RALYL: variants seen among roughly 807,000 people sequenced by gnomAD.
The protein encoded by RALYL is RALY RNA binding protein like.
Under a neutral mutation model 35.1 loss-of-function variants are expected in RALYL, and 29 were observed. The ratio of observed to expected loss-of-function variants is 0.83; its 90% confidence interval spans 0.61 to 1.13. The LOEUF (loss-of-function observed/expected upper bound fraction) is 1.13, where lower values mean the gene tolerates loss of function less well. Ranked by LOEUF, RALYL falls within the 50% of genes most tolerant of loss-of-function variation. The pLI, the probability that RALYL is intolerant of heterozygous loss-of-function variation, is 0.00. For missense variants in RALYL, 359 were observed against 360.4 expected, an observed-to-expected ratio of 1.00 and a Z score of 0.03; for synonymous variants, 120 against 127.6, an observed-to-expected ratio of 0.94 and a Z score of 0.40.
intron 1 of RALYL, among the ~76,000 whole-genome samples, chr8:84,227,436 A>C (rs1379182962): frequency 1.3e-5 from 2 of 152,096 alleles, no homozygotes; most frequent in Non-Finnish European, 2.9e-5. Context: ...TGATTGTAAG[A>C]TCTTTGTGTA....
intron 1 of RALYL, among the ~76,000 whole-genome samples, chr8:84,521,734 G>A (rs1252950390): frequency 6.6e-6 from 1 of 152,078 alleles, no homozygotes; most frequent in African/African-American, 2.4e-5. Context: ...TTTAAATATT[G>A]ACTTACCAAT....
chr8:84,262,993 C>T (rs2131834160), intron 1 of RALYL, among the ~76,000 whole-genome samples: 1 of 152,202 alleles, frequency 6.6e-6, no homozygotes, highest in African/African-American at 2.4e-5. Context: ...CATTATTGAA[C>T]TAAGTCTAGT....
chr8:84,548,574 T>C (rs543265148), intron 2 of RALYL, among the ~76,000 whole-genome samples: 7 of 152,340 alleles, frequency 4.6e-5, no homozygotes, highest in African/African-American at 1.7e-4. Flanking sequence ...GAGACTTGAA[T>C]GTGATCTATT....
At chr8:84,833,271 G>T (rs1831282291) in intron 4 of RALYL, among the ~76,000 whole-genome samples, 1 of 152,058 alleles carries the variant, frequency 6.6e-6, no homozygotes, top group African/African-American at 2.4e-5. Context: ...TCCAATGATG[G>T]CTCAAAGTGA....
At chr8:84,247,595 C>T (rs562305730) in intron 1 of RALYL, among the ~76,000 whole-genome samples, 14 of 150,478 alleles carry the variant, frequency 9.3e-5, no homozygotes, top group South Asian at 2.1e-4. Flanking sequence ...TAGAATAGGA[C>T]GCAGGCTTTA....
chr8:84,680,897 T>C (rs1835328155), intron 2 of RALYL, among the ~76,000 whole-genome samples: 1 of 152,046 alleles, frequency 6.6e-6, no homozygotes, highest in Admixed American at 6.6e-5. Flanking sequence ...GCCATTGCTT[T>C]TGGTGTTTTA....
At chr8:84,327,523 C>T (rs557262512) in intron 1 of RALYL, among the ~76,000 whole-genome samples, 1 of 152,224 alleles carries the variant, frequency 6.6e-6, no homozygotes, top group Non-Finnish European at 1.5e-5. Context: ...GGCCTGCTAC[C>T]TCTTTTTGGA....
At chr8:84,596,021 T>C (rs1458339416) in intron 2 of RALYL, among the ~76,000 whole-genome samples, 1 of 152,078 alleles carries the variant, frequency 6.6e-6, no homozygotes, top group Non-Finnish European at 1.5e-5. Flanking sequence ...AGGCATGATA[T>C]GAGATTTGCT....
At chr8:84,339,026 G>A (rs542501745) in intron 1 of RALYL, among the ~76,000 whole-genome samples, 51 of 152,118 alleles carry the variant, frequency 3.4e-4, no homozygotes, top group South Asian at 1.2e-3. Flanking sequence ...ATACGAACAA[G>A]TCACCAAAAG....
intron 1 of RALYL, among the ~76,000 whole-genome samples, chr8:84,213,964 T>C (rs1290450488): frequency 6.6e-6 from 1 of 152,204 alleles, no homozygotes; most frequent in African/African-American, 2.4e-5. Flanking sequence ...GAAGAAAATG[T>C]GAACAGAGTT....
At chr8:84,595,471 G>T (rs1353079426) in intron 2 of RALYL, among the ~76,000 whole-genome samples, 5 of 152,100 alleles carry the variant, frequency 3.3e-5, no homozygotes, top group Admixed American at 3.3e-4. Flanking sequence ...TACAGTGTAG[G>T]TTTGGAGTCC....
At chr8:84,212,151 A>G (rs1046932952) in intron 1 of RALYL, among the ~76,000 whole-genome samples, 9 of 152,214 alleles carry the variant, frequency 5.9e-5, no homozygotes, top group Admixed American at 1.3e-4. Flanking sequence ...TTTAATTTAC[A>G]TAAAGTTTCA....
intron 2 of RALYL, among the ~76,000 whole-genome samples, chr8:84,649,088 A>T (rs960063632): frequency 2.6e-5 from 4 of 152,064 alleles, no homozygotes; most frequent in African/African-American, 9.6e-5. Flanking sequence ...AAAGCTTATT[A>T]ATCATATTCA....
At chr8:84,546,624 T>G (rs552241204) in intron 2 of RALYL, among the ~76,000 whole-genome samples, 30 of 152,326 alleles carry the variant, frequency 2.0e-4, no homozygotes, top group African/African-American at 6.5e-4. Flanking sequence ...TTAGATAAAT[T>G]TTACAATTTT....
At chr8:84,838,719 G>A (rs1002194933) in intron 4 of RALYL, among the ~76,000 whole-genome samples, 2 of 152,172 alleles carry the variant, frequency 1.3e-5, no homozygotes, top group African/African-American at 4.8e-5. Flanking sequence ...GGTTGGACAA[G>A]ATAATTTAAG....
intron 3 of RALYL, among the ~76,000 whole-genome samples, chr8:84,792,669 G>A (rs959836656): frequency 2.6e-5 from 4 of 152,136 alleles, no homozygotes; most frequent in Non-Finnish European, 5.9e-5. Flanking sequence ...ATGTAAGGTT[G>A]GAAGCTGAGG....
At chr8:84,723,031 T>G (rs1844279708) in intron 2 of RALYL, among the ~76,000 whole-genome samples, 1 of 151,942 alleles carries the variant, frequency 6.6e-6, no homozygotes, top group Admixed American at 6.6e-5. Context: ...CCCAATATTT[T>G]TCATTATATC....
intron 2 of RALYL, among the ~76,000 whole-genome samples, chr8:84,566,199 C>A (rs2061772060): frequency 6.6e-6 from 1 of 151,508 alleles, no homozygotes; most frequent in African/African-American, 2.4e-5. Context: ...GTGCTCTTTA[C>A]TCTTTCCCTT....
chr8:84,550,957 AAACTTAC>A (rs1475977557), intron 2 of RALYL, among the ~76,000 whole-genome samples: 16 of 152,140 alleles, frequency 1.1e-4, no homozygotes, highest in African/African-American at 3.9e-4. Context: ...GTATAAATAT[AAACTTAC>A]ATTAAATAGA....
Sources: gnomAD v4.1 joint callset for allele counts (sites outside exome capture counted in the v4.1 genomes callset) on GRCh38, gnomAD v4.1.1 for gene constraint, MANE v1.5 for transcripts, NCBI Gene and HGNC (gene_info 2026-07-23, HGNC 2026-07-21) for gene names.